JHY: variants seen among roughly 807,000 people sequenced by gnomAD.
The protein encoded by JHY is junctional cadherin complex regulator, also known as jhy protein homolog.
In JHY, 69 loss-of-function variants were observed where a neutral mutation model predicts 78.0. That is an observed-to-expected ratio of 0.88 (90% CI 0.73 to 1.08). The LOEUF (loss-of-function observed/expected upper bound fraction) is 1.08, where lower values mean the gene tolerates loss of function less well. Among genes scored for constraint, JHY ranks in the 50% least tolerant of loss-of-function variants. The probability of loss-of-function intolerance (pLI) is 0.00; values close to 1 mark genes in which losing one functional copy is unlikely to be tolerated. For missense variants in JHY, 944 were observed against 927.8 expected, an observed-to-expected ratio of 1.02 and a Z score of -0.23; for synonymous variants, 368 against 342.6, an observed-to-expected ratio of 1.07 and a Z score of -0.82.
At chr11:122,925,226 G>A (rs994446448) in intron 4 of JHY, among the ~76,000 whole-genome samples, 1 of 152,188 alleles carries the variant, frequency 6.6e-6, no homozygotes, top group Non-Finnish European at 1.5e-5. Flanking sequence ...TTTGCTGGAA[G>A]AAAATAATCA....
chr11:122,904,256 T>C lies in JHY; in HGVS notation c.676T>C (p.Ser226Pro). Residue 226 changes from serine to proline, a missense_variant, in exon 3 of 9, where the codon TCT (serine) becomes CCT (proline). Transcript: ENST00000227349. ...CCTGGAGGAGAAGTCGAGCAGCCTT[T>C]CTCCGTACGTGAAGAGCTCAAGTTC... ...SDLEEKSSSL[S>P]PYVKSSSSHN... 6.2e-7 allele frequency: 1 copy of C among 1,614,152 alleles called. No individual in the cohort carries two copies.
intron 2 of JHY, among the ~76,000 whole-genome samples, chr11:122,890,094 A>G (rs1591367312): frequency 2.0e-5 from 3 of 151,606 alleles, no homozygotes; most frequent in East Asian, 3.9e-4. Context: ...CTGAAATTAT[A>G]TATATATATA....
chr11:122,930,260 T>C (rs953023603), intron 4 of JHY, among the ~76,000 whole-genome samples: 10 of 152,036 alleles, frequency 6.6e-5, no homozygotes, highest in African/African-American at 2.4e-4. Context: ...TTTGTATTTT[T>C]AGTAGAGACA....
At chr11:122,892,933 A>G (rs1028991189) in intron 2 of JHY, among the ~76,000 whole-genome samples, 6 of 152,246 alleles carry the variant, frequency 3.9e-5, no homozygotes, top group Non-Finnish European at 8.8e-5. Flanking sequence ...AGGAGATTAA[A>G]GAAGCATCTG....
rs1410352341 is a variant in JHY, at chr11:122,917,298, A to G, written c.865-7599A>G. ...AAGACTAGAAAATGTCACTTCATCC[A>G]GTGAGTTAGTTAAGGAGAAGGTGGA... On this transcript the variant is annotated intron_variant, in intron 3 of 8. Transcript: ENST00000227349. This position sits in a 1 kb window ranked among gnomAD's most constrained non-coding sequence, Gnocchi z 4.1. Among the ~76,000 whole-genome samples, 1 of 152,206 alleles carries G rather than the reference A, an allele frequency of 6.6e-6. No individual in the cohort carries two copies. Among genetic ancestry groups the G allele is most frequent in the East Asian group, 1.9e-4 (1 of 5,206 alleles).
At chr11:122,897,419 GA>G (rs1257550909) in intron 2 of JHY, among the ~76,000 whole-genome samples, 1 of 151,944 alleles carries the variant, frequency 6.6e-6, no homozygotes, top group Admixed American at 6.6e-5. Context: ...TTGTAGAGAC[GA>G]GGGGTTTCTC....
Position 122,924,809 on chromosome 11 carries a change from C to T in JHY, c.865-88C>T, listed in dbSNP as rs1020108211. 14 of 963,996 alleles carry T rather than the reference C, an allele frequency of 1.5e-5. No individual in the cohort carries two copies. In the East Asian group the frequency reaches 2.5e-4, roughly 17 times the overall value. 59.7% of individuals were successfully genotyped at this position (963,996 alleles called of 1,614,324 possible). ...AAAATAAAACCTAGCCCAGCAGGAC[C>T]GTTTTCTAGAGTGCACAGACTTGAG... On this transcript the variant is annotated intron_variant, in intron 3 of 8. Transcript: ENST00000227349.
At chr11:122,912,045 G>A (rs140578488) in intron 3 of JHY, among the ~76,000 whole-genome samples, 2,403 of 151,992 alleles carry the variant, frequency 0.016, 65 homozygotes, top group African/African-American at 0.055. Flanking sequence ...CCAGCACTTT[G>A]GGAGGCTGGG....
intron 3 of JHY, among the ~76,000 whole-genome samples, chr11:122,919,373 A>G (rs936013038): frequency 6.6e-6 from 1 of 150,812 alleles, no homozygotes; most frequent in Non-Finnish European, 1.5e-5. Flanking sequence ...AAAAAAAAAA[A>G]AAAGAAGTGA....
In JHY at chr11:122,917,885, T is replaced by G. The variant is rs1037240246; in HGVS notation, c.865-7012T>G. Among the ~76,000 whole-genome samples the G allele has an allele frequency of 6.8e-6, 1 of 146,522 alleles. No homozygotes were observed. Among genetic ancestry groups the G allele is most frequent in the Non-Finnish European group, 1.5e-5 (1 of 67,988 alleles). On this transcript the variant is annotated intron_variant, in intron 3 of 8. Transcript: ENST00000227349. The surrounding 1 kb of genome is among the most constrained non-coding windows in gnomAD (Gnocchi z 4.1). ...TGGCCATTATTCATTTAGCATATAT[T>G]TATTTATTTTATTTTACTTATTTAT...
intron 7 of JHY, among the ~76,000 whole-genome samples, chr11:122,957,150 T>G (rs994230210): frequency 5.3e-5 from 8 of 152,212 alleles, no homozygotes; most frequent in Non-Finnish European, 1.2e-4. Flanking sequence ...GGGCGTGATA[T>G]TGCAGTGATG....
chr11:122,924,998 A>C lies in JHY; in HGVS notation c.966A>C (p.Ala322=). 6.2e-7 allele frequency: 1 copy of C among 1,612,660 alleles called. No individual in the cohort carries two copies. Among genetic ancestry groups the C allele is most frequent in the Non-Finnish European group, 8.5e-7 (1 of 1,178,634 alleles). The change falls in exon 4 of 9, where the codon GCA becomes GCC. Residue 322 remains alanine (A), a synonymous_variant. Transcript: ENST00000227349. ...IDPEDKWHQR[A]QQLKNYQEHW... ...CTGAAGATAAATGGCATCAAAGAGC[A>C]CAACAGCTAAAGGTTACCTGCTAGA...
chr11:122,952,209 T>G (rs1864103421), intron 6 of JHY, among the ~76,000 whole-genome samples: 1 of 152,096 alleles, frequency 6.6e-6, no homozygotes, highest in Non-Finnish European at 1.5e-5. Flanking sequence ...ATGAAAATGT[T>G]CTAAAATTGG....
chr11:122,931,361 T>C (rs2135350626), intron 4 of JHY, among the ~76,000 whole-genome samples: 2 of 152,372 alleles, frequency 1.3e-5, no homozygotes, highest in African/African-American at 4.8e-5. Flanking sequence ...CTTTTACTTA[T>C]TAATATGAAA....
chr11:122,951,605 G>T (rs1461499515), intron 6 of JHY, among the ~76,000 whole-genome samples: 1 of 152,172 alleles, frequency 6.6e-6, no homozygotes, highest in Non-Finnish European at 1.5e-5. Flanking sequence ...GGCCCCCACA[G>T]CAGGGTACCA....
chr11:122,899,752 T>G (rs1467940706), intron 2 of JHY, among the ~76,000 whole-genome samples: 1 of 152,230 alleles, frequency 6.6e-6, no homozygotes, highest in Non-Finnish European at 1.5e-5. Flanking sequence ...CATTCTCTCA[T>G]GTTGATCCTC....
Position 122,898,969 on chromosome 11 carries a change from C to T in JHY, c.345-4956C>T, listed in dbSNP as rs1862790430. Reference sequence around the variant, plus strand: ...TCCTTTTTACATGCTGTTCCCTCAGCCTGGCATAGACTTCCTGCCCTTCTC... The same window carrying T: ...TCCTTTTTACATGCTGTTCCCTCAGTCTGGCATAGACTTCCTGCCCTTCTC... On this transcript the variant is annotated intron_variant, in intron 2 of 8. Coordinates refer to ENST00000227349, the MANE Select transcript of JHY (RefSeq NM_024806.4). The surrounding 1 kb of genome is among the most constrained non-coding windows in gnomAD (Gnocchi z 4.4). Among the ~76,000 whole-genome samples the T allele has an allele frequency of 7.3e-6, 1 of 136,108 alleles. No individual in the cohort carries two copies. Among genetic ancestry groups the T allele is most frequent in the East Asian group, 2.0e-4 (1 of 5,062 alleles). 89.3% of individuals were successfully genotyped at this position (136,108 alleles called of 152,430 possible). A position where few individuals can be genotyped will look rare whatever the true frequency, so the allele number is the denominator to read the frequency against.
intron 2 of JHY, among the ~76,000 whole-genome samples, chr11:122,892,649 T>C (rs1862649632): frequency 6.6e-6 from 1 of 152,168 alleles, no homozygotes; most frequent in African/African-American, 2.4e-5. Flanking sequence ...TTGTTGTATA[T>C]AATTGTTTCT....
At chr11:122,943,597 AT>A (rs1355377839) in intron 5 of JHY, among the ~76,000 whole-genome samples, 2 of 152,058 alleles carry the variant, frequency 1.3e-5, no homozygotes, top group African/African-American at 4.8e-5. Flanking sequence ...AATTCCATTA[AT>A]TTTTGCTTTA....
Sources: gnomAD v4.1 joint callset for allele counts (sites outside exome capture counted in the v4.1 genomes callset) on GRCh38, gnomAD v4.1.1 for gene constraint, Gnocchi (gnomAD v3.1) non-coding constraint, MANE v1.5 for transcripts, NCBI Gene and HGNC (gene_info 2026-07-23, HGNC 2026-07-21) for gene names.